UNC13A: variants seen among roughly 807,000 people sequenced by gnomAD.
UNC13A encodes unc-13 homolog A.
In UNC13A, 61 loss-of-function variants were observed where a neutral mutation model predicts 219.7. The ratio of observed to expected loss-of-function variants is 0.28; its 90% CI spans 0.23 to 0.34. UNC13A has a LOEUF of 0.34. Among genes scored for constraint, UNC13A ranks in the 10% least tolerant of loss-of-function variants. The probability of loss-of-function intolerance (pLI) is 1.00; values close to 1 mark genes in which losing one functional copy is unlikely to be tolerated. For missense variants in UNC13A, 1,476 were observed against 2,270.3 expected (o/e 0.65, Z 7.11); for synonymous variants, 920 against 884.6 (o/e 1.04, Z -0.71).
chr19:17,680,879 CT>C (rs2079996579), intron 1 of UNC13A, among the ~76,000 whole-genome samples: 1 of 80,198 alleles, frequency 1.2e-5, no homozygotes, highest in Non-Finnish European at 2.6e-5. Context: ...CTTTTTTTTT[CT>C]TTTCTTTTCT....
At chr19:17,653,821 C>CTTTTTTTTTTTTTTTTTTTTTTTTTTT in intron 11 of UNC13A, among the ~76,000 whole-genome samples, 1 of 78,256 alleles carries the variant, frequency 1.3e-5, no homozygotes, top group Non-Finnish European at 2.3e-5. Flanking sequence ...TATCACTTCT[C>CTTTTTTTTTTTTTTTTTTTTTTTTTTT]TTTTTTTTTT....
At chr19:17,684,813 G>C (rs1198415363) in intron 1 of UNC13A, among the ~76,000 whole-genome samples, 1 of 152,222 alleles carries the variant, frequency 6.6e-6, no homozygotes, top group African/African-American at 2.4e-5. Flanking sequence ...GTGCAGGTGG[G>C]AGTCTGCACA....
intron 19 of UNC13A, among the ~76,000 whole-genome samples, chr19:17,644,380 G>A (rs1189073349): frequency 1.3e-5 from 2 of 151,638 alleles, no homozygotes; most frequent in African/African-American, 4.8e-5. Context: ...TGGAGACAAA[G>A]GCCTTGTTAT....
rs372895269 is a variant in UNC13A at position 17,674,784 on chromosome 19, C to G, written c.53-28G>C. The G allele has an allele frequency of 7.5e-6, 12 of 1,594,408 alleles. No individual in the cohort carries two copies. The African/African-American group carries it at 1.5e-4, about 20-fold the overall frequency. ...GTGGCAGTGAGAGTAGGGGTCAGCG[C>G]TGGGGCTCAGGGACTCTCCAATGCC... On this transcript the variant is annotated intron_variant, in intron 2 of 43. Transcript: ENST00000519716. The surrounding 1 kb of genome is among the most constrained non-coding windows in gnomAD (Gnocchi z 5.0).
At chr19:17,682,922 G>A (rs551757200) in intron 1 of UNC13A, among the ~76,000 whole-genome samples, 2 of 152,250 alleles carry the variant, frequency 1.3e-5, no homozygotes, top group East Asian at 1.9e-4. Flanking sequence ...AAAATTAGCT[G>A]GGCATGATGG....
intron 9 of UNC13A, among the ~76,000 whole-genome samples, chr19:17,657,580 G>T (rs971663790): frequency 6.6e-6 from 1 of 152,060 alleles, no homozygotes; most frequent in Non-Finnish European, 1.5e-5. Flanking sequence ...ATCATTTCCC[G>T]ATTAGATACC....
At chr19:17,648,402 G>A (rs2079283409) in intron 16 of UNC13A, 29 bp downstream of exon 16, 3 of 1,258,992 alleles carry the variant, frequency 2.4e-6, no homozygotes, top group Non-Finnish European at 3.1e-6. Flanking sequence ...ACGCCAACCC[G>A]TGGCCCTGCG....
chr19:17,643,078 C>G, intron 19 of UNC13A, 118 bp from the exon 20 acceptor site: 1 of 691,270 alleles, frequency 1.4e-6, no homozygotes, highest in East Asian at 2.9e-5. Context: ...GTGGCACGAT[C>G]TCAGCTCACT....
intron 36 of UNC13A, chr19:17,623,188 C>A (rs766583112): frequency 3.3e-6 from 1 of 300,162 alleles, no homozygotes; most frequent in Non-Finnish European, 6.2e-6. Flanking sequence ...GGTTGATCCT[C>A]TTTCTAGCTT....
intron 41 of UNC13A, among the ~76,000 whole-genome samples, chr19:17,616,954 G>A (rs2076672496): frequency 6.6e-6 from 1 of 152,200 alleles, no homozygotes; most frequent in Non-Finnish European, 1.5e-5. Context: ...TGCCGTGTGT[G>A]TGCGCTCAGA....
chr19:17,685,357 AT>A (rs1261763138), intron 1 of UNC13A, among the ~76,000 whole-genome samples: 2 of 151,820 alleles, frequency 1.3e-5, no homozygotes, highest in South Asian at 2.1e-4. Flanking sequence ...CACCTGGCTA[AT>A]TTTTTTTATT....
Position 17,631,204 on chromosome 19 carries a change from C to T in UNC13A, c.3429-454G>A, listed in dbSNP as rs1228226138. ...TTTCCTTCCTTCCCTCCCTCCCTCC[C>T]TTCCTTCCTTCCTTCCTTCTTCCTT... is the stretch of plus-strand genomic sequence containing the variant. On this transcript the variant is annotated intron_variant, in intron 28 of 43. Coordinates refer to ENST00000519716, the MANE Select transcript of UNC13A (RefSeq NM_001080421.3). Among the ~76,000 whole-genome samples the T allele has an allele frequency of 9.1e-4, 45 of 49,502 alleles. 3 individuals carry two copies. The highest frequency in any genetic ancestry group is 7.8e-4 in the African/African-American group (11 of 14,092). The allele number at this position is 49,502 out of a possible 152,430, so 32.5% of individuals were successfully genotyped here.
intron 19 of UNC13A, among the ~76,000 whole-genome samples, chr19:17,644,209 C>A (rs1761440812): frequency 6.6e-6 from 1 of 152,066 alleles, no homozygotes; most frequent in African/African-American, 2.4e-5. Flanking sequence ...GTCGGGGGGA[C>A]ACAGAGTCTT....
Position 17,606,308 on chromosome 19 carries a change from A to G in UNC13A, c.4858T>C (p.Cys1620Arg). 1 of 1,549,538 alleles carries G rather than the reference A, an allele frequency of 6.5e-7. No individual in the cohort carries two copies. The change falls in exon 44 of 44, where the codon TGC becomes CGC. Residue 1620 changes from cysteine (C) to arginine (R), a missense_variant. Around this residue, in one of 14 missense-constraint regions of UNC13A, gnomAD observed 187 missense variants for 172.3 expected, o/e 1.09. Coordinates refer to ENST00000519716, the MANE Select transcript of UNC13A (RefSeq NM_001080421.3). ...AGPECYELQV[C>R]VKDYCFARED... ...CGCGCGAAGCAGTAGTCCTTGACGC[A>G]CACCTGCAGCTCATAGCACTCGGGA...
Position 17,649,255 on chromosome 19 carries a change from T to C in UNC13A, c.1524+84A>G. On this transcript the variant is annotated intron_variant, in intron 14 of 43. Transcript: ENST00000519716. This position sits in a 1 kb window ranked among gnomAD's most constrained non-coding sequence, Gnocchi z 4.4. ...GGGACATGGCAAGGTTCCCCCATAA[T>C]CCATGAATTGGGGGCCTGTTAGAAG... 1 of 1,530,118 alleles carries C rather than the reference T, an allele frequency of 6.5e-7. No homozygotes were observed. Among genetic ancestry groups the C allele is most frequent in the South Asian group, 1.2e-5 (1 of 84,036 alleles). 94.8% of individuals were successfully genotyped at this position (1,530,118 alleles called of 1,614,324 possible).
intron 42 of UNC13A, among the ~76,000 whole-genome samples, chr19:17,610,535 C>T (rs1176140898): frequency 6.6e-6 from 1 of 152,170 alleles, no homozygotes; most frequent in African/African-American, 2.4e-5. Flanking sequence ...ATAAAGACTA[C>T]ATTTCCCAGC....
chr19:17,635,283 G>C (rs2076902004), intron 26 of UNC13A, among the ~76,000 whole-genome samples: 2 of 152,160 alleles, frequency 1.3e-5, no homozygotes, highest in African/African-American at 4.8e-5. Flanking sequence ...TTACAGGCGT[G>C]AGCCACTGTG....
intron 43 of UNC13A, among the ~76,000 whole-genome samples, chr19:17,606,618 T>A (rs1048365223): frequency 9.2e-5 from 14 of 151,744 alleles, no homozygotes; most frequent in African/African-American, 3.4e-4. Flanking sequence ...GACCGCATAG[T>A]TTTACATCCA....
intron 40 of UNC13A, among the ~76,000 whole-genome samples, chr19:17,618,073 A>G (rs931987482): frequency 2.6e-5 from 4 of 151,946 alleles, no homozygotes; most frequent in African/African-American, 9.7e-5. Context: ...CCCAGCCCCC[A>G]TCCTTCCCTC....
Sources: allele counts gnomAD v4.1 joint callset (sites outside exome capture counted in the v4.1 genomes callset), GRCh38; gene constraint gnomAD v4.1.1; regional missense constraint gnomAD v4.1.1; non-coding constraint Gnocchi (gnomAD v3.1); transcripts MANE v1.5; gene names NCBI Gene and HGNC (gene_info 2026-07-23, HGNC 2026-07-21).